The following COL19A1 variants were observed in gnomAD, a reference collection of about 807,000 sequenced individuals.
The protein encoded by COL19A1 is collagen type XIX alpha 1 chain.
Under a neutral mutation model 190.2 loss-of-function variants are expected in COL19A1, and 159 were observed. The observed-to-expected ratio is 0.84, with a 90% confidence interval of 0.73 to 0.95. COL19A1 has a LOEUF of 0.95. Among genes scored for constraint, COL19A1 ranks in the 40% least tolerant of loss-of-function variants. The probability of loss-of-function intolerance (pLI) is 0.00; values close to 1 mark genes in which losing one functional copy is unlikely to be tolerated. For synonymous variants in COL19A1, 509 were observed against 458.9 expected, an observed-to-expected ratio of 1.11 and a Z score of -1.39; for missense variants, 1,418 against 1,431.9, an observed-to-expected ratio of 0.99 and a Z score of 0.16.
At chr6:70,168,328 A>C (rs1765293328) in intron 39 of COL19A1, 113 bp downstream of exon 39, 2 of 1,034,562 alleles carry the variant, frequency 1.9e-6, no homozygotes, top group South Asian at 1.5e-5. Flanking sequence ...ATACAGCCAA[A>C]TTTTACAGCA....
chr6:70,150,578 C>T (rs1299507285), intron 30 of COL19A1, among the ~76,000 whole-genome samples: 1 of 152,020 alleles, frequency 6.6e-6, no homozygotes, highest in East Asian at 1.9e-4. Context: ...CAGTGAAACC[C>T]CTTTAAATAG....
In COL19A1 at chr6:70,211,757, T is replaced by C. The variant is rs1417194878; in HGVS notation, c.*4483T>C. ...CCAAACGTTTTACTCAACAAAATAATGCTAGAGTAACTGATCAATTTGGTT... is the reference window on the plus strand; with the variant it reads ...CCAAACGTTTTACTCAACAAAATAACGCTAGAGTAACTGATCAATTTGGTT... On this transcript the variant is annotated 3_prime_UTR_variant, in exon 51 of 51. Coordinates refer to ENST00000620364, the MANE Select transcript of COL19A1 (RefSeq NM_001858.6). Among the ~76,000 whole-genome samples the C allele has an allele frequency of 6.6e-6, 1 of 151,894 alleles. No individual in the cohort carries two copies. The highest frequency in any genetic ancestry group is 2.4e-5 in the African/African-American group (1 of 41,336).
At chr6:70,073,025 T>A (rs1195681436) in intron 15 of COL19A1, among the ~76,000 whole-genome samples, 1 of 151,760 alleles carries the variant, frequency 6.6e-6, no homozygotes, top group Non-Finnish European at 1.5e-5. Context: ...TTTGCTCTTG[T>A]TGCCCAGGCT....
chr6:70,009,636 A>G (rs1325205139), intron 11 of COL19A1, among the ~76,000 whole-genome samples: 1 of 152,150 alleles, frequency 6.6e-6, no homozygotes, highest in African/African-American at 2.4e-5. Context: ...GGTATAGCCA[A>G]AATGATTTTT....
chr6:69,911,685 C>A (rs1460638862), intron 4 of COL19A1, among the ~76,000 whole-genome samples: 1 of 152,116 alleles, frequency 6.6e-6, no homozygotes, highest in Non-Finnish European at 1.5e-5. Flanking sequence ...GCTGTTCTCC[C>A]TGGAGGCAAC....
At chr6:70,163,561 G>C (rs1010312385) in intron 36 of COL19A1, among the ~76,000 whole-genome samples, 165 bp downstream of exon 36, 2 of 152,150 alleles carry the variant, frequency 1.3e-5, no homozygotes, top group Non-Finnish European at 2.9e-5. Flanking sequence ...AGGTCCAAAG[G>C]TTATTCTAAA....
chr6:70,118,773 CT>C (rs1784725159), intron 16 of COL19A1, among the ~76,000 whole-genome samples: 1 of 151,940 alleles, frequency 6.6e-6, no homozygotes, highest in Non-Finnish European at 1.5e-5. Flanking sequence ...AACGTTCAAC[CT>C]TTTCTGTAGC....
At chr6:69,959,778 C>T (rs1486067881) in intron 9 of COL19A1, among the ~76,000 whole-genome samples, 1 of 152,088 alleles carries the variant, frequency 6.6e-6, no homozygotes, top group African/African-American at 2.4e-5. Flanking sequence ...GACATGTTAC[C>T]AAACCTCTCG....
At chr6:70,042,965 C>G (rs1483101540) in intron 14 of COL19A1, among the ~76,000 whole-genome samples, 1 of 152,164 alleles carries the variant, frequency 6.6e-6, no homozygotes, top group Non-Finnish European at 1.5e-5. Flanking sequence ...ATTTCTACCA[C>G]ATCTGCAGTT....
At chr6:69,950,934 T>G (rs888289724) in intron 9 of COL19A1, among the ~76,000 whole-genome samples, 1 of 151,874 alleles carries the variant, frequency 6.6e-6, no homozygotes, top group Non-Finnish European at 1.5e-5. Flanking sequence ...GATTTTTTTC[T>G]AAGTAGGAAT....
intron 14 of COL19A1, among the ~76,000 whole-genome samples, chr6:70,065,490 A>C (rs1374476885): frequency 2.0e-5 from 3 of 152,206 alleles, no homozygotes; most frequent in African/African-American, 7.2e-5. Context: ...TGTTAGACCT[A>C]AAACCATAAA....
At chr6:69,871,443 A>T (rs1767815613) in intron 1 of COL19A1, among the ~76,000 whole-genome samples, 1 of 152,202 alleles carries the variant, frequency 6.6e-6, no homozygotes. Context: ...ATTTCCCTTT[A>T]TAATAAATGC....
chr6:70,064,412 C>G (rs1329858654), intron 14 of COL19A1, among the ~76,000 whole-genome samples: 4 of 152,114 alleles, frequency 2.6e-5, no homozygotes, highest in African/African-American at 4.8e-5. Context: ...ATTCAACAGC[C>G]CTTCATGCTA....
rs1554186344 is a variant in COL19A1, at chr6:69,996,938, G to GTGTGTGTATA, written c.1027-26688_1027-26687insGTGTGTATAT. Among the ~76,000 whole-genome samples, 734 of 143,404 alleles carry GTGTGTGTATA rather than the reference G, an allele frequency of 5.1e-3. 14 individuals carry two copies. In the East Asian group the frequency reaches 0.064, roughly 12 times the overall value. The allele number at this position is 143,404 out of a possible 152,430, so 94.1% of individuals were successfully genotyped here. A position where few individuals can be genotyped will look rare whatever the true frequency, so the allele number is the denominator to read the frequency against. On this transcript the variant is annotated intron_variant, in intron 11 of 50. Coordinates refer to ENST00000620364, the MANE Select transcript of COL19A1 (RefSeq NM_001858.6). ...GACTTGTGTGTGTGTGTGTGTGTGT[G>GTGTGTGTATA]TATATATATGTATGTACATATATAG...
chr6:69,940,883 T>G (rs1324234385), intron 9 of COL19A1, among the ~76,000 whole-genome samples: 2 of 152,194 alleles, frequency 1.3e-5, no homozygotes, highest in East Asian at 3.8e-4. Flanking sequence ...GAGGGTGGGT[T>G]TATTTCTGCT....
chr6:69,929,326 T>C, intron 5 of COL19A1, 99 bp from the exon 6 acceptor site: 2 of 1,150,048 alleles, frequency 1.7e-6, no homozygotes, highest in South Asian at 1.6e-5. Context: ...ACTAAGTGCC[T>C]CAGTTATACT....
At chr6:70,030,608 A>G (rs2150112497) in intron 12 of COL19A1, among the ~76,000 whole-genome samples, 1 of 152,358 alleles carries the variant, frequency 6.6e-6, no homozygotes, top group South Asian at 2.1e-4. Flanking sequence ...TTTGTTGAGT[A>G]AATGGATACT....
intron 11 of COL19A1, among the ~76,000 whole-genome samples, chr6:69,977,873 A>G (rs960199383): frequency 2.0e-5 from 3 of 152,222 alleles, no homozygotes; most frequent in African/African-American, 7.2e-5. Context: ...ACAAGATTTA[A>G]TATTTGATCA....
At chr6:70,063,533 A>G (rs1338999665) in intron 14 of COL19A1, among the ~76,000 whole-genome samples, 2 of 152,206 alleles carry the variant, frequency 1.3e-5, no homozygotes, top group African/African-American at 4.8e-5. Flanking sequence ...AAAGCAGGAA[A>G]GATCTAAAAT....
Sources: allele counts gnomAD v4.1 joint callset (sites outside exome capture counted in the v4.1 genomes callset), GRCh38; gene constraint gnomAD v4.1.1; transcripts MANE v1.5; gene names NCBI Gene and HGNC (gene_info 2026-07-23, HGNC 2026-07-21).